The following CXXC1 variants were observed in gnomAD, a reference collection of about 807,000 sequenced individuals.
The protein encoded by CXXC1 is CXXC finger protein 1, also known as CXXC-type zinc finger protein 1.
A neutral mutation model predicts 83.6 loss-of-function variants in CXXC1; 21 were observed. The ratio of observed to expected loss-of-function variants is 0.25; its 90% confidence interval spans 0.18 to 0.36. The LOEUF is 0.36. Ranked by LOEUF, CXXC1 falls within the 10% of genes least tolerant of loss-of-function variation. CXXC1 has a pLI of 1.00. For synonymous variants in CXXC1, 371 were observed against 337.5 expected (o/e 1.10, Z -1.09); for missense variants, 688 against 919.5 (o/e 0.75, Z 3.26).
intron 10 of CXXC1, 29 bp from the exon 11 acceptor site, chr18:50,283,844 T>C (rs1333713469): frequency 6.2e-7 from 1 of 1,613,990 alleles, no homozygotes; most frequent in Admixed American, 1.7e-5. Context: ...ACAATAAGGC[T>C]GGGAAGGACA....
chr18:50,284,742 G>C lies in CXXC1; in HGVS notation c.1010C>G (p.Ser337Cys). The change falls in exon 8 of 15, where the codon TCT (serine) becomes TGT (cysteine). Residue 337 changes from serine to cysteine, a missense_variant. By Grantham distance (112) the Ser-to-Cys change is moderately radical (BLOSUM62 -1). Coordinates refer to ENST00000285106, the MANE Select transcript of CXXC1 (RefSeq NM_014593.4). ...TACCCTCTCCATCACCTTCTTCTCAGACTTCTTCTCCCGACGCTTCACATG... is the reference window on the plus strand; with the variant it reads ...TACCCTCTCCATCACCTTCTTCTCACACTTCTTCTCCCGACGCTTCACATG... ...VKHVKRREKK[S>C]EKKKEERYKR... 2 of 1,613,780 alleles carry C rather than the reference G, an allele frequency of 1.2e-6. No individual in the cohort carries two copies. Among genetic ancestry groups the C allele is most frequent in the East Asian group, 4.5e-5 (2 of 44,860 alleles).
In CXXC1 at chr18:50,285,680, C is replaced by T; in HGVS notation, c.639+69G>A. 6.4e-7 allele frequency: 1 copy of T among 1,556,838 alleles called. No individual in the cohort carries two copies. The highest frequency in any genetic ancestry group is 1.7e-5 in the Admixed American group (1 of 58,818). ...CCCACCTGGTTTATCCATGCCTAGA[C>T]TTAACTAACCATGCATGGACCCACC... On this transcript the variant is annotated intron_variant, in intron 5 of 14. Transcript: ENST00000285106. The surrounding 1 kb of genome is among the most constrained non-coding windows in gnomAD (Gnocchi z 4.4).
intron 13 of CXXC1, 44 bp from the exon 14 acceptor site, chr18:50,283,050 G>C (rs1242896400): frequency 1.2e-6 from 2 of 1,605,824 alleles, no homozygotes; most frequent in East Asian, 2.2e-5. Context: ...GGTGATAAGG[G>C]AGAATAGGAA....
Position 50,285,508 on chromosome 18 carries a change from A to G in CXXC1, c.640-157T>C. 3.0e-6 allele frequency: 3 copies of G among 1,012,022 alleles called. No individual in the cohort carries two copies. Among genetic ancestry groups the G allele is most frequent in the Non-Finnish European group, 4.3e-6 (3 of 699,132 alleles). 62.7% of individuals were successfully genotyped at this position (1,012,022 alleles called of 1,614,324 possible). ...TCAGCCCTGCCTGATCTGTACCAAC[A>G]TGCATGACCACCTGAAAACACCTGG... On this transcript the variant is annotated intron_variant, in intron 5 of 14. Transcript: ENST00000285106. The surrounding 1 kb of genome is among the most constrained non-coding windows in gnomAD (Gnocchi z 4.4).
In CXXC1 at chr18:50,285,035, G is replaced by A; in HGVS notation, c.879C>T (p.Asp293=). Residue 293 remains aspartate (D), a synonymous_variant, in exon 7 of 15, where the codon GAC becomes GAT. Coordinates refer to ENST00000285106, the MANE Select transcript of CXXC1 (RefSeq NM_014593.4). The surrounding 1 kb of genome is among the most constrained non-coding windows in gnomAD (Gnocchi z 4.4). ...DLPLDPDLYQ[D]FCAGAFDDHG... ...GGTCATCAAAGGCCCCTGCACAGAAGTCCTGATACAGGTCAGGATCCAGAG... is the reference window on the plus strand; with the variant it reads ...GGTCATCAAAGGCCCCTGCACAGAAATCCTGATACAGGTCAGGATCCAGAG... The A allele has an allele frequency of 4.3e-6, 7 of 1,614,220 alleles. No individual in the cohort carries two copies. The highest frequency in any genetic ancestry group is 2.5e-6 in the Non-Finnish European group (3 of 1,180,038).
Position 50,285,680 on chromosome 18 carries a change from CT to C in CXXC1, c.639+68del. 1 of 1,556,838 alleles carries C rather than the reference CT, an allele frequency of 6.4e-7. No individual in the cohort carries two copies. On this transcript the variant is annotated intron_variant, in intron 5 of 14. Transcript: ENST00000285106. The surrounding 1 kb of genome is among the most constrained non-coding windows in gnomAD (Gnocchi z 4.4). ...CCCACCTGGTTTATCCATGCCTAGA[CT>C]TAACTAACCATGCATGGACCCACCA...
chr18:50,283,610 A>C (rs574107998), intron 11 of CXXC1, 46 bp from the exon 12 acceptor site: 6 of 1,611,402 alleles, frequency 3.7e-6, no homozygotes, highest in South Asian at 2.2e-5. Context: ...TGTGCGCTGC[A>C]TGCCCTCCCA....
intron 10 of CXXC1, 26 bp downstream of exon 10, chr18:50,283,868 G>C (rs2040668624): frequency 1.2e-6 from 2 of 1,613,970 alleles, no homozygotes; most frequent in African/African-American, 2.7e-5. Context: ...TACAGGCCCT[G>C]CTCTGCTGCG....
Position 50,283,831 on chromosome 18 carries a change from G to T in CXXC1, c.1414-16C>A. The stretch of plus-strand genomic sequence containing the variant: ...CCTCGTTGCTCTGCATGGAATGGAA[G>T]GAACAATAAGGCTGGGAAGGACAAA... On this transcript the variant is annotated splice_polypyrimidine_tract_variant and intron_variant, in intron 10 of 14. Transcript: ENST00000285106. 1.2e-6 allele frequency: 2 copies of T among 1,614,006 alleles called. No homozygotes were observed. Among genetic ancestry groups the T allele is most frequent in the Non-Finnish European group, 1.7e-6 (2 of 1,179,836 alleles).
chr18:50,285,735 C>G lies in CXXC1; in HGVS notation c.639+14G>C. The G allele has an allele frequency of 6.2e-7, 1 of 1,610,244 alleles. No homozygotes were observed. Among genetic ancestry groups the G allele is most frequent in the Non-Finnish European group, 8.5e-7 (1 of 1,179,828 alleles). On this transcript the variant is annotated intron_variant, in intron 5 of 14. Coordinates refer to ENST00000285106, the MANE Select transcript of CXXC1 (RefSeq NM_014593.4). This position sits in a 1 kb window ranked among gnomAD's most constrained non-coding sequence, Gnocchi z 4.4. ...CTCCCACACCTGACCCTACCCAGCT[C>G]TGTCCATGCTCACCCGGGCCCGCAG...
At position 50,285,617 on chromosome 18, in the gene CXXC1, G is replaced by A. The variant is rs1163132634; in HGVS notation, c.639+132C>T. ...ATGCCCCATTCATCTGGACATGACA[G>A]GCCCCTTCCCACCTGTCAGGATACA... On this transcript the variant is annotated intron_variant, in intron 5 of 14. Transcript: ENST00000285106. The surrounding 1 kb of genome is among the most constrained non-coding windows in gnomAD (Gnocchi z 4.4). 8.3e-6 allele frequency: 10 copies of A among 1,211,346 alleles called. No individual in the cohort carries two copies. Among genetic ancestry groups the A allele is most frequent in the Non-Finnish European group, 1.1e-5 (9 of 856,770 alleles). 75.0% of individuals were successfully genotyped at this position (1,211,346 alleles called of 1,614,324 possible).
chr18:50,283,128 G>A, intron 13 of CXXC1, 122 bp from the exon 14 acceptor site: 1 of 1,301,210 alleles, frequency 7.7e-7, no homozygotes. Context: ...CATGGAAAAG[G>A]AGGAATGGAG....
Position 50,286,169 on chromosome 18 carries a change from A to G in CXXC1, c.312T>C (p.Asp104=), listed in dbSNP as rs192198330. The change falls in exon 4 of 15, where the codon GAT becomes GAC. Residue 104 remains aspartate, a synonymous_variant. Transcript: ENST00000285106. ...CAGGCCTCTTGCGCCCTCCACCCTC[A>G]TCCCGGGGCTCACTGCTGTCCCGCT... is the stretch of plus-strand genomic sequence containing the variant. ...GNERDSSEPR[D]EGGGRKRPVP... 3.1e-6 allele frequency: 5 copies of G among 1,613,750 alleles called. No individual in the cohort carries two copies. The South Asian group carries it at 3.3e-5, about 11-fold the overall frequency.
rs1419700640 is a variant in CXXC1, at chr18:50,285,009, T to C, written c.905A>G (p.His302Arg). The C allele has an allele frequency of 9.3e-6, 15 of 1,614,208 alleles. No individual in the cohort carries two copies. Among genetic ancestry groups the C allele is most frequent in the Non-Finnish European group, 1.3e-5 (15 of 1,180,028 alleles). The change falls in exon 7 of 15, where the codon CAT (histidine) becomes CGT (arginine). Residue 302 changes from histidine to arginine, a missense_variant. By Grantham distance (29) the His-to-Arg change is conservative. Coordinates refer to ENST00000285106, the MANE Select transcript of CXXC1 (RefSeq NM_014593.4). This position sits in a 1 kb window ranked among gnomAD's most constrained non-coding sequence, Gnocchi z 4.4. ...QDFCAGAFDD[H>R]GLPWMSDTEE... ...ATGCTCCTGTCTGCTCACCAGGCCATGGTCATCAAAGGCCCCTGCACAGAA... is the reference window on the plus strand; with the variant it reads ...ATGCTCCTGTCTGCTCACCAGGCCACGGTCATCAAAGGCCCCTGCACAGAA...
chr18:50,283,430 C>A, intron 12 of CXXC1, 69 bp from the exon 13 acceptor site: 15 of 1,602,626 alleles, frequency 9.4e-6, no homozygotes, highest in Non-Finnish European at 1.3e-5. Context: ...GCTGGTTGCC[C>A]GTATCCTGCC....
rs772127927 is a variant in CXXC1, at chr18:50,286,604, T to C, written c.158A>G (p.Asp53Gly). The change falls in exon 3 of 15, where the codon GAC becomes GGC. Residue 53 changes from aspartate to glycine, a missense_variant. By Grantham distance (94) the Asp-to-Gly change is moderately conservative. Around this residue, in one of 9 missense-constraint regions of CXXC1, gnomAD observed 142 missense variants for 150.7 expected, o/e 0.94. Coordinates refer to ENST00000285106, the MANE Select transcript of CXXC1 (RefSeq NM_014593.4). ...CDNCNEWFHG[D>G]CIRITEKMAK... ...CATCTTCTCAGTGATCCGGATGCAG[T>C]CCCCATGGAACCACTCATTGCAGTT... is the stretch of plus-strand genomic sequence containing the variant. The C allele has an allele frequency of 8.1e-6, 13 of 1,613,940 alleles. No homozygotes were observed. The highest frequency in any genetic ancestry group is 1.7e-5 in the Admixed American group (1 of 59,996).
chr18:50,283,282 G>A lies in CXXC1; in HGVS notation c.1654C>T (p.His552Tyr), dbSNP rs200009297. The change falls in exon 13 of 15, where the codon CAC becomes TAC. Residue 552 changes from histidine to tyrosine, a missense_variant. Transcript: ENST00000285106. ...AACCTTACTTTGGGGTCCCGTGAGT[G>A]CTCGGGGCACAGCACCTGGAGCCGC... ...CKRLQVLCPE[H>Y]SRDPKVPADE... 4 of 1,613,896 alleles carry A rather than the reference G, an allele frequency of 2.5e-6. No homozygotes were observed. Among genetic ancestry groups the A allele is most frequent in the Non-Finnish European group, 3.4e-6 (4 of 1,179,964 alleles).
At position 50,285,939 on chromosome 18, in the gene CXXC1, G is replaced by A. The variant is rs1037828026; in HGVS notation, c.460-11C>T. 6.2e-7 allele frequency: 1 copy of A among 1,613,914 alleles called. No individual in the cohort carries two copies. On this transcript the variant is annotated splice_polypyrimidine_tract_variant and intron_variant, in intron 4 of 14. Transcript: ENST00000285106. The surrounding 1 kb of genome is among the most constrained non-coding windows in gnomAD (Gnocchi z 4.4). ...CTGCTGCTGGTGATGCTGCAGGAGG[G>A]GGCCCAGAACAGAAATCATGGACCC...
At position 50,284,544 on chromosome 18, in the gene CXXC1, G is replaced by A. The variant is rs1462769680; in HGVS notation, c.1039C>T (p.Arg347Trp). ...TTGTGCTTCTGCTTCTGCCGATGCC[G>A]CTTGTATCGCTCCTCCTTCTGTTGA... ...SEKKKEERYKRHRQKQKHKDK... is the reference protein window; with the variant it reads ...SEKKKEERYKWHRQKQKHKDK... The change falls in exon 9 of 15, where the codon CGG becomes TGG. Residue 347 changes from arginine (R) to tryptophan (W), a missense_variant. By Grantham distance (101) the Arg-to-Trp change is moderately radical. Transcript: ENST00000285106. The A allele has an allele frequency of 1.3e-6, 2 of 1,587,628 alleles. No homozygotes were observed. Among genetic ancestry groups the A allele is most frequent in the Non-Finnish European group, 1.7e-6 (2 of 1,165,944 alleles).
Sources: allele counts gnomAD v4.1 joint callset, GRCh38; gene constraint gnomAD v4.1.1; regional missense constraint gnomAD v4.1.1; non-coding constraint Gnocchi (gnomAD v3.1); transcripts MANE v1.5; gene names NCBI Gene and HGNC (gene_info 2026-07-23, HGNC 2026-07-21).